Variants in NAALADL2 observed in about 807,000 individuals in gnomAD.
NAALADL2 encodes the protein inactive N-acetylated-alpha-linked acidic dipeptidase-like protein 2.
In NAALADL2, 76 loss-of-function variants were observed where a neutral mutation model predicts 87.2. That is an observed-to-expected ratio of 0.87 (90% confidence interval 0.72 to 1.05). The LOEUF (loss-of-function observed/expected upper bound fraction) is 1.05, where lower values mean the gene tolerates loss of function less well. NAALADL2 is among the 50% of genes least tolerant of loss of function. The probability of loss-of-function intolerance (pLI) is 0.00; values close to 1 mark genes in which losing one functional copy is unlikely to be tolerated. For missense variants in NAALADL2, 1,089 were observed against 945.8 expected (o/e 1.15, Z -1.99); for synonymous variants, 354 against 331.0 (o/e 1.07, Z -0.75).
chr3:175,721,185 G>A (rs899384350), intron 11 of NAALADL2, among the ~76,000 whole-genome samples: 8 of 151,962 alleles, frequency 5.3e-5, no homozygotes, highest in African/African-American at 1.9e-4. Context: ...AGTCAACTGA[G>A]CTTGTCTAAG....
chr3:175,062,476 C>CTGTGTGTG lies in NAALADL2; in HGVS notation c.44-34272_44-34265dup, dbSNP rs71792051. Among the ~76,000 whole-genome samples, 146 of 131,562 alleles carry CTGTGTGTG rather than the reference C, an allele frequency of 1.1e-3. 1 individual carries two copies. The highest frequency in any genetic ancestry group is 2.0e-3 in the African/African-American group (71 of 36,124). 86.3% of individuals were successfully genotyped at this position (131,562 alleles called of 152,430 possible). A position where few individuals can be genotyped will look rare whatever the true frequency, so the allele number is the denominator to read the frequency against. ...CCTGTTTGTAGGGCTGGAAGTTTGGCTGTGTGTGTGTGTGTGTGTGTGTGT... is the reference window on the plus strand; with the variant it reads ...CCTGTTTGTAGGGCTGGAAGTTTGGCTGTGTGTGTGTGTGTGTGTGTGTGTGTGTGTGT... On this transcript the variant is annotated intron_variant, in intron 1 of 13. Coordinates refer to ENST00000454872, the MANE Select transcript of NAALADL2 (RefSeq NM_207015.3).
At chr3:174,673,430 G>A (rs1265658932) in intron 2 of NAALADL2, among the ~76,000 whole-genome samples, 1 of 151,972 alleles carries the variant, frequency 6.6e-6, no homozygotes, top group African/African-American at 2.4e-5. Context: ...TAATTGGCAG[G>A]CTTAATGAAT....
chr3:175,753,376 ATT>A (rs758736665), intron 12 of NAALADL2, among the ~76,000 whole-genome samples: 9 of 152,114 alleles, frequency 5.9e-5, no homozygotes, highest in Non-Finnish European at 1.2e-4. Context: ...ACATAATTTT[ATT>A]TGTTATCAGA....
At chr3:174,447,398 A>C (rs1245152379) in intron 1 of NAALADL2, among the ~76,000 whole-genome samples, 1 of 152,244 alleles carries the variant, frequency 6.6e-6, no homozygotes, top group African/African-American at 2.4e-5. Flanking sequence ...AAATATGGCC[A>C]TCTTCTTTTG....
chr3:174,659,640 C>A (rs1725321144), intron 2 of NAALADL2, among the ~76,000 whole-genome samples: 1 of 152,206 alleles, frequency 6.6e-6, no homozygotes, highest in Non-Finnish European at 1.5e-5. Context: ...GTCTTCTAAT[C>A]TCTCCTGGAT....
chr3:175,243,641 C>T (rs550885024), intron 3 of NAALADL2, among the ~76,000 whole-genome samples: 1 of 148,722 alleles, frequency 6.7e-6, no homozygotes, highest in South Asian at 2.1e-4. Context: ...ACAGCATGGC[C>T]ACAATATTAG....
chr3:174,573,874 C>T (rs1307982339), intron 2 of NAALADL2, among the ~76,000 whole-genome samples: 1 of 152,106 alleles, frequency 6.6e-6, no homozygotes, highest in Non-Finnish European at 1.5e-5. Context: ...CTTGGTGAAA[C>T]TAAATGTACC....
At chr3:175,225,477 A>G (rs909563339) in intron 2 of NAALADL2, among the ~76,000 whole-genome samples, 30 of 152,070 alleles carry the variant, frequency 2.0e-4, no homozygotes, top group African/African-American at 7.2e-4. Context: ...AAAACGCTTA[A>G]TTTTTTAAGA....
At chr3:174,830,172 T>G (rs1452779282) in intron 3 of NAALADL2, among the ~76,000 whole-genome samples, 69 of 139,456 alleles carry the variant, frequency 4.9e-4, no homozygotes, top group African/African-American at 6.6e-4. Flanking sequence ...TTTGGTGTTT[T>G]AGACATGAAG....
chr3:175,558,720 A>C (rs1715767902), intron 9 of NAALADL2, among the ~76,000 whole-genome samples: 1 of 152,144 alleles, frequency 6.6e-6, no homozygotes, highest in South Asian at 2.1e-4. Flanking sequence ...CGTTGTTGAA[A>C]ATGATTTTAC....
intron 1 of NAALADL2, among the ~76,000 whole-genome samples, chr3:175,033,713 TA>T (rs1451954835): frequency 6.6e-6 from 1 of 152,098 alleles, no homozygotes; most frequent in Non-Finnish European, 1.5e-5. Context: ...TTCTAACCCC[TA>T]AACACTGGAA....
At chr3:175,530,325 G>T (rs1560710658) in intron 9 of NAALADL2, among the ~76,000 whole-genome samples, 1 of 152,020 alleles carries the variant, frequency 6.6e-6, no homozygotes, top group African/African-American at 2.4e-5. Flanking sequence ...TTTATTTGTC[G>T]CCAATTTTCC....
At chr3:174,854,536 G>A (rs577113199), upstream of NAALADL2, among the ~76,000 whole-genome samples, 1 of 152,180 alleles carries the variant, frequency 6.6e-6, no homozygotes, top group South Asian at 2.1e-4. Flanking sequence ...GAGTGAAATT[G>A]TAATGATTTT....
At chr3:174,878,639 T>C (rs940093621) in intron 1 of NAALADL2, among the ~76,000 whole-genome samples, 1 of 152,082 alleles carries the variant, frequency 6.6e-6, no homozygotes, top group Non-Finnish European at 1.5e-5. Flanking sequence ...TTTTTTCTTG[T>C]TGGCAGTAAG....
chr3:175,500,756 T>C (rs1050402539), intron 9 of NAALADL2, among the ~76,000 whole-genome samples: 5 of 152,230 alleles, frequency 3.3e-5, no homozygotes, highest in Admixed American at 2.0e-4. Context: ...GAAATTAAGA[T>C]ACTTAAAAAA....
rs58734561 is a variant in NAALADL2, at chr3:175,160,000, C to CTTTTTTTTTTTTT, written c.545+62721_545+62722insTTTTTTTTTTTTT. 1.5e-5 allele frequency among the ~76,000 whole-genome samples: 2 copies of CTTTTTTTTTTTTT among 134,120 alleles called. 1 individual carries two copies. The highest frequency in any genetic ancestry group is 3.2e-5 in the Non-Finnish European group (2 of 62,386). 88.0% of individuals were successfully genotyped at this position (134,120 alleles called of 152,430 possible). ...TACAGGCGTGTGCTACCACTCGTGA[C>CTTTTTTTTTTTTT]TTTTTTTTTTTTACTTTTAGTAGAG... On this transcript the variant is annotated intron_variant, in intron 2 of 13. Coordinates refer to ENST00000454872, the MANE Select transcript of NAALADL2 (RefSeq NM_207015.3).
At chr3:174,844,628 A>G (rs1207026149) in intron 3 of NAALADL2, among the ~76,000 whole-genome samples, 2 of 152,058 alleles carry the variant, frequency 1.3e-5, no homozygotes, top group Non-Finnish European at 2.9e-5. Context: ...ATCCGTAAAC[A>G]TTGAATATGT....
At chr3:174,507,923 G>C (rs1477036846) in intron 1 of NAALADL2, among the ~76,000 whole-genome samples, 1 of 151,998 alleles carries the variant, frequency 6.6e-6, no homozygotes, top group African/African-American at 2.4e-5. Flanking sequence ...AAAGAAGTGA[G>C]ATTGATGAGT....
At chr3:175,753,600 T>C (rs1212708085) in intron 12 of NAALADL2, among the ~76,000 whole-genome samples, 2 of 152,174 alleles carry the variant, frequency 1.3e-5, no homozygotes, top group African/African-American at 2.4e-5. Flanking sequence ...TAGTTTTCCT[T>C]TTCTTAGCAT....
Sources: allele counts gnomAD v4.1 joint callset (sites outside exome capture counted in the v4.1 genomes callset), GRCh38; gene constraint gnomAD v4.1.1; transcripts MANE v1.5; gene names NCBI Gene and HGNC (gene_info 2026-07-23, HGNC 2026-07-21).